Variants in IFRD1 observed in about 807,000 individuals in gnomAD.
IFRD1 encodes the protein interferon related developmental regulator 1, also known as interferon-related developmental regulator 1.
Under a neutral mutation model 52.9 loss-of-function variants are expected in IFRD1, and 35 were observed. The ratio of observed to expected loss-of-function variants is 0.66; its 90% CI spans 0.51 to 0.88. IFRD1 has a LOEUF of 0.88. IFRD1 is among the 40% of genes least tolerant of loss of function. The pLI is 0.00. For synonymous variants in IFRD1, 184 were observed against 188.4 expected, an observed-to-expected ratio of 0.98 and a Z score of 0.19; for missense variants, 517 against 550.8, an observed-to-expected ratio of 0.94 and a Z score of 0.61.
intron 9 of IFRD1, among the ~76,000 whole-genome samples, chr7:112,468,611 G>T (rs1451404457): frequency 6.6e-6 from 1 of 152,122 alleles, no homozygotes; most frequent in Non-Finnish European, 1.5e-5. Flanking sequence ...GTAATTCTTT[G>T]CCTCAGCCTC....
chr7:112,434,554 T>C (rs995905670), intron 1 of IFRD1, among the ~76,000 whole-genome samples: 2 of 152,214 alleles, frequency 1.3e-5, no homozygotes, highest in African/African-American at 4.8e-5. Context: ...TGTAGAAGTT[T>C]ATTAAACTCT....
intron 1 of IFRD1, among the ~76,000 whole-genome samples, chr7:112,435,121 G>T (rs1377936194): frequency 6.6e-6 from 1 of 152,200 alleles, no homozygotes; most frequent in Non-Finnish European, 1.5e-5. Flanking sequence ...GATTAATGGT[G>T]AACAGAGTAA....
chr7:112,431,423 G>A (rs1314318247), intron 1 of IFRD1, among the ~76,000 whole-genome samples: 1 of 152,126 alleles, frequency 6.6e-6, no homozygotes, highest in Non-Finnish European at 1.5e-5. Context: ...TATCTGTGTT[G>A]GAGAACATGA....
In IFRD1 at chr7:112,444,397, C is replaced by T. The variant is rs560635522; in HGVS notation, c.-181-6111C>T. Among the ~76,000 whole-genome samples, 25 of 152,148 alleles carry T rather than the reference C, an allele frequency of 1.6e-4. 1 individual carries two copies. In the South Asian group the frequency reaches 3.9e-3, roughly 24 times the overall value. The stretch of plus-strand genomic sequence containing the variant: ...AAGAGTTCTAACTAAATTTGCCCGC[C>T]GAATCATTTCTTAACAAACAGGGAT... On this transcript the variant is annotated intron_variant, in intron 1 of 12. Transcript: ENST00000005558.
chr7:112,426,906 G>GC (rs1239298429), intron 1 of IFRD1, among the ~76,000 whole-genome samples: 4 of 152,078 alleles, frequency 2.6e-5, no homozygotes, highest in Non-Finnish European at 5.9e-5. Flanking sequence ...TTACCTGGAG[G>GC]CCCCCCTCTG....
chr7:112,458,284 A>G (rs373670168), intron 4 of IFRD1: 1 of 153,416 alleles, frequency 6.5e-6, no homozygotes, highest in East Asian at 1.9e-4. Flanking sequence ...GTACCACTGC[A>G]TTCCAGCTTG....
intron 1 of IFRD1, among the ~76,000 whole-genome samples, chr7:112,432,732 G>C (rs1001491003): frequency 6.6e-5 from 10 of 152,304 alleles, no homozygotes; most frequent in African/African-American, 2.4e-4. Context: ...CACACTGCTG[G>C]CCAATGGCAT....
intron 8 of IFRD1, among the ~76,000 whole-genome samples, chr7:112,465,095 G>C (rs926290476): frequency 6.6e-6 from 1 of 152,164 alleles, no homozygotes; most frequent in Non-Finnish European, 1.5e-5. Context: ...GAGTGCAGTG[G>C]CAAGATCATA....
In IFRD1 at chr7:112,475,496, G is replaced by C; in HGVS notation, c.1333G>C (p.Ala445Pro). 6.2e-7 allele frequency: 1 copy of C among 1,606,502 alleles called. No individual in the cohort carries two copies. Among genetic ancestry groups the C allele is most frequent in the Non-Finnish European group, 8.5e-7 (1 of 1,173,732 alleles). ...KARSKCRDKRADVGEFF is the reference protein window; with the variant it reads ...KARSKCRDKRPDVGEFF ...TAGAAGCAAATGTCGAGATAAGAGA[G>C]CAGATGTTGGAGAATTCTTCTAGAT... The change falls in exon 12 of 12, where the codon GCA (alanine) becomes CCA (proline). Residue 445 changes from alanine (A) to proline (P), a missense_variant. Physicochemically the swap from Ala to Pro is conservative, Grantham distance 27. Transcript: ENST00000403825.
intron 4 of IFRD1, among the ~76,000 whole-genome samples, chr7:112,458,639 G>A (rs1313257906): frequency 6.6e-6 from 1 of 152,130 alleles, no homozygotes; most frequent in Non-Finnish European, 1.5e-5. Flanking sequence ...GTAACTAATC[G>A]ATGATCATTT....
chr7:112,463,824 A>AT (rs2117315163), intron 8 of IFRD1, among the ~76,000 whole-genome samples: 1 of 118,338 alleles, frequency 8.5e-6, no homozygotes, highest in African/African-American at 3.3e-5. Context: ...ATACATGTAT[A>AT]TACATATACA....
chr7:112,465,724 A>G (rs774187455), intron 8 of IFRD1, among the ~76,000 whole-genome samples: 4 of 152,162 alleles, frequency 2.6e-5, no homozygotes, highest in Non-Finnish European at 5.9e-5. Context: ...ATAGATCTAC[A>G]TGGTGGATGC....
intron 1 of IFRD1, among the ~76,000 whole-genome samples, chr7:112,453,286 A>G (rs897014133): frequency 3.9e-5 from 6 of 152,172 alleles, no homozygotes; most frequent in African/African-American, 1.4e-4. Context: ...TAAAGAGAAT[A>G]TTTTTAAGAA....
chr7:112,471,888 C>T (rs956320547), intron 9 of IFRD1, among the ~76,000 whole-genome samples: 1 of 152,026 alleles, frequency 6.6e-6, no homozygotes, highest in Non-Finnish European at 1.5e-5. Context: ...AACTTTCTTC[C>T]CTCTCCCATC....
At chr7:112,449,468 C>T (rs542486519), upstream of IFRD1, among the ~76,000 whole-genome samples, 1 of 152,232 alleles carries the variant, frequency 6.6e-6, no homozygotes, top group East Asian at 1.9e-4. Flanking sequence ...TAGAATAGAG[C>T]TCAGCTGAGA....
At chr7:112,431,670 C>T (rs1794550428) in intron 1 of IFRD1, among the ~76,000 whole-genome samples, 1 of 152,206 alleles carries the variant, frequency 6.6e-6, no homozygotes, top group Non-Finnish European at 1.5e-5. Context: ...CCACTATCTG[C>T]ATTGATGACC....
chr7:112,440,678 A>G (rs1794859822), intron 1 of IFRD1, among the ~76,000 whole-genome samples: 1 of 152,208 alleles, frequency 6.6e-6, no homozygotes, highest in Admixed American at 6.5e-5. Context: ...AGTGTAAAAG[A>G]TAGGCTTTTA....
In IFRD1 at chr7:112,476,657, AC is replaced by A. The variant is rs1204003843; in HGVS notation, c.*1139del. The stretch of plus-strand genomic sequence containing the variant: ...AGTGAGACCTTGTCTCAAAAGCAAA[AC>A]AAAAAAGAATATTGCTGCTTGTTTG... On this transcript the variant is annotated 3_prime_UTR_variant, in exon 12 of 12. Transcript: ENST00000403825. 3 of 152,316 alleles carry A rather than the reference AC, an allele frequency of 2.0e-5. No homozygotes were observed. The highest frequency in any genetic ancestry group is 4.8e-5 in the African/African-American group (2 of 41,566). The allele number at this position is 152,316 out of a possible 1,614,324, so 9.4% of individuals were successfully genotyped here.
rs3057810 is a variant in IFRD1 at position 112,445,062 on chromosome 7, CTTTTTTT to C, written c.-181-5430_-181-5424del. ...TTGGAATCAGATAGGCCTAGGCTTT[CTTTTTTT>C]TTTTTTTTTTTTTTTGAAACAGGGT... On this transcript the variant is annotated intron_variant, in intron 1 of 12. Coordinates refer to the IFRD1 transcript ENST00000005558. Among the ~76,000 whole-genome samples the C allele has an allele frequency of 1.7e-4, 17 of 102,674 alleles. No homozygotes were observed. In the South Asian group the frequency reaches 4.7e-3, roughly 29 times the overall value. The allele number at this position is 102,674 out of a possible 152,430, so 67.4% of individuals were successfully genotyped here.
Sources: gnomAD v4.1 joint callset for allele counts (sites outside exome capture counted in the v4.1 genomes callset) on GRCh38, gnomAD v4.1.1 for gene constraint, MANE v1.5 for transcripts, NCBI Gene and HGNC (gene_info 2026-07-23, HGNC 2026-07-21) for gene names.